NCAM1: variants seen among roughly 807,000 people sequenced by gnomAD.
NCAM1 encodes antigen recognized by monoclonal antibody 5.1H11.
NCAM1 carries 14 observed loss-of-function variants against 109.8 expected under a neutral mutation model. The observed-to-expected ratio is 0.13, with a 90% CI of 0.08 to 0.20. The LOEUF (loss-of-function observed/expected upper bound fraction) is 0.20, where lower values mean the gene tolerates loss of function less well. Ranked by LOEUF, NCAM1 falls within the 10% of genes least tolerant of loss-of-function variation. The pLI is 1.00. For missense variants in NCAM1, 774 were observed against 1,109.9 expected (o/e 0.70, Z 4.30); for synonymous variants, 418 against 442.9 (o/e 0.94, Z 0.70).
intron 1 of NCAM1, among the ~76,000 whole-genome samples, chr11:112,989,635 T>A (rs1465266424): frequency 4.6e-5 from 7 of 152,190 alleles, no homozygotes; most frequent in Non-Finnish European, 1.0e-4. Context: ...TAGGAGTTGA[T>A]TGTTGGAGCT....
intron 1 of NCAM1, among the ~76,000 whole-genome samples, chr11:113,092,593 A>G (rs1445879982): frequency 6.6e-6 from 1 of 152,202 alleles, no homozygotes; most frequent in Non-Finnish European, 1.5e-5. Flanking sequence ...TTGCAATTAT[A>G]TGAAAGTCTA....
At chr11:113,225,740 G>C (rs1555116087) in intron 9 of NCAM1, among the ~76,000 whole-genome samples, 1 of 152,224 alleles carries the variant, frequency 6.6e-6, no homozygotes, top group Non-Finnish European at 1.5e-5. Flanking sequence ...TCGCTCGGCA[G>C]AAATTCTACA....
Position 113,271,917 on chromosome 11 carries a change from C to A in NCAM1, c.2456+41C>A, listed in dbSNP as rs1403216851. 7 of 1,456,520 alleles carry A rather than the reference C, an allele frequency of 4.8e-6. No homozygotes were observed. The African/African-American group carries it at 7.1e-5, about 15-fold the overall frequency. 90.2% of individuals were successfully genotyped at this position (1,456,520 alleles called of 1,614,324 possible). A position where few individuals can be genotyped will look rare whatever the true frequency, so the allele number is the denominator to read the frequency against. On this transcript the variant is annotated intron_variant, in intron 19 of 19. Coordinates refer to ENST00000316851, the MANE Select transcript of NCAM1 (RefSeq NM_181351.5). ...GGGGCTGGCACCTGCTCCGTAGAGA[C>A]CCCCACACCCACCTCCCCACCCTAC...
At chr11:113,088,149 G>T (rs1939172365) in intron 1 of NCAM1, among the ~76,000 whole-genome samples, 1 of 152,182 alleles carries the variant, frequency 6.6e-6, no homozygotes, top group Non-Finnish European at 1.5e-5. Context: ...TTTTGAAGTT[G>T]CTTCATCAGA....
intron 1 of NCAM1, among the ~76,000 whole-genome samples, chr11:113,166,082 C>T (rs1313830334): frequency 2.6e-5 from 4 of 152,236 alleles, no homozygotes; most frequent in Admixed American, 6.5e-5. Flanking sequence ...CTGCCTGCCT[C>T]GGCCTCCCAA....
chr11:113,235,466 G>C (rs1945137505), intron 14 of NCAM1, among the ~76,000 whole-genome samples: 1 of 152,226 alleles, frequency 6.6e-6, no homozygotes, highest in Admixed American at 6.5e-5. Flanking sequence ...GAGAAAACCA[G>C]GAGTGAGTTG....
intron 1 of NCAM1, among the ~76,000 whole-genome samples, chr11:113,141,092 C>CGGTGTTCATTTATGTG (rs1941803224): frequency 6.6e-6 from 1 of 152,076 alleles, no homozygotes; most frequent in Non-Finnish European, 1.5e-5. Flanking sequence ...TGTAAGCCAG[C>CGGTGTTCATTTATGTG]TGTTCATTTA....
chr11:113,265,746 C>G (rs1039320768), intron 17 of NCAM1, among the ~76,000 whole-genome samples: 3 of 152,132 alleles, frequency 2.0e-5, no homozygotes, highest in African/African-American at 7.2e-5. Context: ...CTCAACAGTT[C>G]CAAGAGTCTG....
At chr11:113,205,967 G>A in intron 4 of NCAM1, 76 bp from the exon 5 acceptor site, 1 of 1,565,274 alleles carries the variant, frequency 6.4e-7, no homozygotes, top group East Asian at 2.2e-5. Flanking sequence ...TTAGGAAAAA[G>A]GAAAGAGACT....
chr11:113,191,407 C>T (rs528334200), intron 1 of NCAM1, among the ~76,000 whole-genome samples: 2 of 152,192 alleles, frequency 1.3e-5, no homozygotes, highest in African/African-American at 2.4e-5. Context: ...TCTTTTCTTA[C>T]ATGCCTGCCT....
intron 1 of NCAM1, among the ~76,000 whole-genome samples, chr11:112,999,809 A>G (rs1215845974): frequency 1.3e-5 from 2 of 152,210 alleles, no homozygotes. Context: ...TGGGCAATTC[A>G]TAATTGTAGA....
At chr11:113,231,847 A>T in intron 10 of NCAM1, 52 bp downstream of exon 10, 1 of 1,602,864 alleles carries the variant, frequency 6.2e-7, no homozygotes, top group South Asian at 1.1e-5. Context: ...AGGCAGGGTC[A>T]GGATGAGAGA....
chr11:113,230,775 G>A (rs577586155), intron 9 of NCAM1, among the ~76,000 whole-genome samples: 30 of 152,334 alleles, frequency 2.0e-4, no homozygotes, highest in African/African-American at 6.7e-4. Flanking sequence ...AGGATCTGAA[G>A]TTAAGCCACA....
At chr11:113,141,512 G>A (rs1472119930) in intron 1 of NCAM1, among the ~76,000 whole-genome samples, 4 of 152,238 alleles carry the variant, frequency 2.6e-5, no homozygotes, top group East Asian at 1.9e-4. Context: ...AGCTGGGCGC[G>A]GTGGTGTGTG....
At chr11:113,131,858 T>C (rs1223233182) in intron 1 of NCAM1, among the ~76,000 whole-genome samples, 1 of 152,126 alleles carries the variant, frequency 6.6e-6, no homozygotes, top group Non-Finnish European at 1.5e-5. Flanking sequence ...GGCTTACTGG[T>C]CGGGAGATGA....
intron 1 of NCAM1, among the ~76,000 whole-genome samples, chr11:112,964,129 G>GTT (rs782504184): frequency 8.1e-5 from 10 of 123,862 alleles, no homozygotes; most frequent in Non-Finnish European, 1.4e-4. Context: ...TATATCTGAG[G>GTT]TTTTTTTTTT....
chr11:113,054,595 A>T (rs1953622118), intron 1 of NCAM1, among the ~76,000 whole-genome samples: 1 of 152,222 alleles, frequency 6.6e-6, no homozygotes, highest in Admixed American at 6.5e-5. Context: ...TCCCCGATAC[A>T]GAACTAAAGA....
chr11:113,195,910 G>GGGGTGT (rs1491555807), intron 1 of NCAM1, among the ~76,000 whole-genome samples: 1 of 148,400 alleles, frequency 6.7e-6, no homozygotes, highest in African/African-American at 2.5e-5. Flanking sequence ...TTGTTTGCAG[G>GGGGTGT]GTGTGTGTGT....
In NCAM1 at chr11:113,233,108, C is replaced by A. The variant is rs781984431; in HGVS notation, c.1523-39C>A. 5.0e-6 allele frequency: 8 copies of A among 1,588,956 alleles called. No homozygotes were observed. Among genetic ancestry groups the A allele is most frequent in the Non-Finnish European group, 8.6e-7 (1 of 1,166,972 alleles). Reference sequence around the variant, plus strand: ...TGAGAGTTAATGGTCTTGGGCCAAACTGGGCTCACCTGAGTCTCCATATGT... The same window carrying A: ...TGAGAGTTAATGGTCTTGGGCCAAAATGGGCTCACCTGAGTCTCCATATGT... On this transcript the variant is annotated intron_variant, in intron 12 of 19. Coordinates refer to ENST00000316851, the MANE Select transcript of NCAM1 (RefSeq NM_181351.5). The surrounding 1 kb of genome is among the most constrained non-coding windows in gnomAD (Gnocchi z 4.5).
Sources: gnomAD v4.1 joint callset for allele counts (sites outside exome capture counted in the v4.1 genomes callset) on GRCh38, gnomAD v4.1.1 for gene constraint, Gnocchi (gnomAD v3.1) non-coding constraint, MANE v1.5 for transcripts, NCBI Gene and HGNC (gene_info 2026-07-23, HGNC 2026-07-21) for gene names.